Variants in ITGAV observed in about 807,000 individuals in gnomAD.
The protein encoded by ITGAV is integrin alpha-V.
ITGAV carries 76 observed loss-of-function variants against 143.8 expected under a neutral mutation model. That is an observed-to-expected ratio of 0.53 (90% CI 0.44 to 0.64). ITGAV has a LOEUF of 0.64. Among genes scored for constraint, ITGAV ranks in the 30% least tolerant of loss-of-function variants. The pLI is 0.00. For missense variants in ITGAV, 1,193 were observed against 1,274.7 expected, an observed-to-expected ratio of 0.94 and a Z score of 0.98; for synonymous variants, 453 against 446.7, an observed-to-expected ratio of 1.01 and a Z score of -0.18.
intron 11 of ITGAV, 62 bp from the exon 12 acceptor site, chr2:186,641,324 G>T (rs1434365628): frequency 5.3e-6 from 7 of 1,332,530 alleles, no homozygotes; most frequent in Non-Finnish European, 7.5e-6. Context: ...TAGTAAGAAA[G>T]AAAATGCCTA....
rs536408279 is a variant in ITGAV, at chr2:186,665,143, C to G, written c.2091C>G (p.Ser697=). The G allele has an allele frequency of 6.2e-7, 1 of 1,602,990 alleles. No homozygotes were observed. The highest frequency in any genetic ancestry group is 8.5e-7 in the Non-Finnish European group (1 of 1,175,548). ...VRNNEALARL[S]CAFKTENQTR... is the part of the protein sequence containing the mutation. ...TATCAAAGGCCTTAGCAAGACTTTCCTGTGCATTTAAGACAGAAAACCAAA... is the reference window on the plus strand; with the variant it reads ...TATCAAAGGCCTTAGCAAGACTTTCGTGTGCATTTAAGACAGAAAACCAAA... The change falls in exon 21 of 30, where the codon TCC becomes TCG. Residue 697 remains serine (S), a synonymous_variant. Coordinates refer to ENST00000261023, the MANE Select transcript of ITGAV (RefSeq NM_002210.5).
Position 186,603,612 on chromosome 2 carries a change from G to T in ITGAV, c.316+1461G>T, listed in dbSNP as rs895052027. ...TGACTCAGAATATGATAGTTTTAGGGCATTTATTGTCTAACAAAATATGAG... is the reference window on the plus strand; with the variant it reads ...TGACTCAGAATATGATAGTTTTAGGTCATTTATTGTCTAACAAAATATGAG... On this transcript the variant is annotated intron_variant, in intron 2 of 29. Coordinates refer to ENST00000261023, the MANE Select transcript of ITGAV (RefSeq NM_002210.5). Among the ~76,000 whole-genome samples, 15 of 152,230 alleles carry T rather than the reference G, an allele frequency of 9.9e-5. No homozygotes were observed. The South Asian group carries it at 2.1e-3, about 21-fold the overall frequency.
intron 2 of ITGAV, among the ~76,000 whole-genome samples, chr2:186,609,623 G>A (rs559375041): frequency 1.3e-5 from 2 of 152,208 alleles, no homozygotes; most frequent in South Asian, 4.1e-4. Flanking sequence ...AACTTTGCCT[G>A]GGGACTTTGA....
chr2:186,590,153 G>T lies in ITGAV; in HGVS notation c.-186G>T, dbSNP rs185068200. On this transcript the variant is annotated 5_prime_UTR_variant, in exon 1 of 30. Coordinates refer to ENST00000261023, the MANE Select transcript of ITGAV (RefSeq NM_002210.5). The stretch of plus-strand genomic sequence containing the variant: ...CCGCCCCGCGCGCTCTGCGCCCCTC[G>T]TCCCTGGCGGTCGCTCCGAAGCTCA... The T allele has an allele frequency of 1.2e-3, 533 of 455,260 alleles. 4 individuals carry two copies. Among genetic ancestry groups the T allele is most frequent in the African/African-American group, 0.01 (501 of 48,648 alleles). 28.2% of individuals were successfully genotyped at this position (455,260 alleles called of 1,614,324 possible). A position where few individuals can be genotyped will look rare whatever the true frequency, so the allele number is the denominator to read the frequency against.
chr2:186,610,016 T>A (rs1687170853), intron 2 of ITGAV, among the ~76,000 whole-genome samples: 2 of 152,152 alleles, frequency 1.3e-5, no homozygotes, highest in Admixed American at 6.5e-5. Context: ...CATAGGGACA[T>A]CTTGGACTCC....
chr2:186,658,669 C>T (rs897645214), intron 17 of ITGAV, among the ~76,000 whole-genome samples: 1 of 152,008 alleles, frequency 6.6e-6, no homozygotes, highest in South Asian at 2.1e-4. Flanking sequence ...CAGAAGACTA[C>T]ATGTAATCCT....
At chr2:186,627,414 A>G (rs1157742954) in intron 4 of ITGAV, among the ~76,000 whole-genome samples, 1 of 152,194 alleles carries the variant, frequency 6.6e-6, no homozygotes, top group African/African-American at 2.4e-5. Context: ...CAGCTTTTCT[A>G]CAAAGAATAC....
At chr2:186,625,724 A>G (rs1687660472) in intron 4 of ITGAV, 137 bp downstream of exon 4, 2 of 467,110 alleles carry the variant, frequency 4.3e-6, no homozygotes, top group East Asian at 6.6e-5. Flanking sequence ...TGATGATAAC[A>G]AAATGAAAAC....
In ITGAV at chr2:186,656,391, C is replaced by T. The variant is rs199670325; in HGVS notation, c.1709C>T (p.Ala570Val). 506 of 1,492,198 alleles carry T rather than the reference C, an allele frequency of 3.4e-4. 2 individuals are homozygous for T. The highest frequency in any genetic ancestry group is 4.3e-4 in the Non-Finnish European group (484 of 1,127,082). The allele number at this position is 1,492,198 out of a possible 1,614,324, so 92.4% of individuals were successfully genotyped here. The stretch of plus-strand genomic sequence containing the variant: ...CTGATGCAGTGTGAGGAATTGATAG[C>T]GTATCTGCGGGTAAGAGCTAACTTT... ...GGLMQCEELI[A>V]YLRDESEFRD... The change falls in exon 17 of 30, where the codon GCG becomes GTG. Residue 570 changes from alanine (A) to valine (V), a missense_variant. By Grantham distance (64) the Ala-to-Val change is moderately conservative. Coordinates refer to ENST00000261023, the MANE Select transcript of ITGAV (RefSeq NM_002210.5).
chr2:186,605,805 C>CTTATGTATATGTATAATACATATATTCTT (rs1553498874), intron 2 of ITGAV, among the ~76,000 whole-genome samples: 2 of 134,408 alleles, frequency 1.5e-5, no homozygotes, highest in Non-Finnish European at 3.2e-5. Context: ...ATAATATATT[C>CTTATGTATATGTATAATACATATATTCTT]TTATGTATAT....
chr2:186,666,872 AGCAGATTAAATTT>A, intron 22 of ITGAV, 89 bp downstream of exon 22: 13 of 640,086 alleles, frequency 2.0e-5, no homozygotes, highest in South Asian at 3.1e-5. Flanking sequence ...AATATAAAGT[AGCAGATTAAATTT>A]TATTGCTTGA....
chr2:186,639,220 T>C (rs1688037238), intron 10 of ITGAV, among the ~76,000 whole-genome samples: 1 of 152,240 alleles, frequency 6.6e-6, no homozygotes, highest in Non-Finnish European at 1.5e-5. Flanking sequence ...CAAAGAATTA[T>C]ACCATAAGTT....
intron 2 of ITGAV, among the ~76,000 whole-genome samples, chr2:186,614,682 C>A (rs1361384521): frequency 6.6e-6 from 1 of 151,344 alleles, no homozygotes; most frequent in Non-Finnish European, 1.5e-5. Flanking sequence ...TTTCTATTAT[C>A]CGTTTTCATT....
chr2:186,658,448 A>T (rs1688649153), intron 17 of ITGAV, among the ~76,000 whole-genome samples: 1 of 152,194 alleles, frequency 6.6e-6, no homozygotes, highest in South Asian at 2.1e-4. Context: ...TACAGAACTG[A>T]CAAATATACT....
chr2:186,672,685 T>C (rs1689099235), intron 26 of ITGAV, among the ~76,000 whole-genome samples: 1 of 152,256 alleles, frequency 6.6e-6, no homozygotes, highest in African/African-American at 2.4e-5. Flanking sequence ...TGTAGACTGA[T>C]GATATTCAGC....
At chr2:186,668,972 TTCTA>T (rs781401411) in intron 25 of ITGAV, 52 bp downstream of exon 25, 8 of 1,407,664 alleles carry the variant, frequency 5.7e-6, no homozygotes, top group Non-Finnish European at 7.8e-6. Flanking sequence ...ATTGCCTTCT[TTCTA>T]AACCTGTAAA....
At chr2:186,590,619 G>T in intron 1 of ITGAV, 96 bp downstream of exon 1, 1 of 1,161,902 alleles carries the variant, frequency 8.6e-7, no homozygotes, top group Non-Finnish European at 1.2e-6. Flanking sequence ...GAGAGATCCC[G>T]GCGTCTGTCT....
chr2:186,600,235 T>C (rs988914477), intron 1 of ITGAV: 3 of 1,099,262 alleles, frequency 2.7e-6, no homozygotes, highest in Non-Finnish European at 1.3e-6. Context: ...CAATTCTTTC[T>C]TGCCAGGGTC....
intron 14 of ITGAV, among the ~76,000 whole-genome samples, chr2:186,651,020 T>G (rs1446016062): frequency 6.6e-6 from 1 of 152,218 alleles, no homozygotes. Context: ...AATGAATATT[T>G]TTATTAGAGC....
Sources: gnomAD v4.1 joint callset for allele counts (sites outside exome capture counted in the v4.1 genomes callset) on GRCh38, gnomAD v4.1.1 for gene constraint, MANE v1.5 for transcripts, NCBI Gene and HGNC (gene_info 2026-07-23, HGNC 2026-07-21) for gene names.